The following FUT8 variants were observed in gnomAD, a reference collection of about 807,000 sequenced individuals.
FUT8 encodes fucosyltransferase 8.
FUT8 carries 29 observed loss-of-function variants against 71.3 expected under a neutral mutation model. The ratio of observed to expected loss-of-function variants is 0.41; its 90% CI spans 0.30 to 0.55. The LOEUF is 0.55. Among genes scored for constraint, FUT8 ranks in the 20% least tolerant of loss-of-function variants. FUT8 has a pLI of 0.34. For missense variants in FUT8, 544 were observed against 702.1 expected (o/e 0.77, Z 2.55); for synonymous variants, 254 against 239.3 (o/e 1.06, Z -0.57).
At chr14:65,376,777 A>G in the FUT8 span, among the ~76,000 whole-genome samples, 1 of 152,218 alleles carries the variant, frequency 6.6e-6, no homozygotes, top group Admixed American at 6.5e-5. Flanking sequence ...AAGAAAACTA[A>G]GAGATCTCTT....
chr14:65,590,261 G>A (rs1021197289), intron 3 of FUT8, among the ~76,000 whole-genome samples: 51 of 152,156 alleles, frequency 3.4e-4, no homozygotes, highest in Admixed American at 2.0e-4. Flanking sequence ...AACAGGAAAA[G>A]CATTGATTGG....
intron 3 of FUT8, among the ~76,000 whole-genome samples, chr14:65,602,282 C>T (rs1474249659): frequency 7.2e-6 from 1 of 139,236 alleles, no homozygotes; most frequent in Non-Finnish European, 1.5e-5. Context: ...CCAGTTCCAT[C>T]TAGGATGCTG....
At chr14:65,717,665 C>G (rs1010050085) in intron 7 of FUT8, among the ~76,000 whole-genome samples, 2 of 150,614 alleles carry the variant, frequency 1.3e-5, no homozygotes, top group Admixed American at 1.3e-4. Flanking sequence ...CTCCCCATTT[C>G]CCAGACGGGG....
At chr14:65,647,464 G>A (rs1376293445) in intron 6 of FUT8, among the ~76,000 whole-genome samples, 2 of 152,114 alleles carry the variant, frequency 1.3e-5, no homozygotes, top group African/African-American at 4.8e-5. Context: ...TAGTATGAGA[G>A]GTGATTTTTC....
chr14:65,674,305 G>A (rs1892610491), intron 7 of FUT8, among the ~76,000 whole-genome samples: 1 of 152,134 alleles, frequency 6.6e-6, no homozygotes, highest in Admixed American at 6.5e-5. Context: ...TAGACTGTGA[G>A]TCTGATCCAG....
intron 1 of FUT8, among the ~76,000 whole-genome samples, chr14:65,422,702 C>G (rs113206066): frequency 9.9e-5 from 15 of 152,032 alleles, no homozygotes; most frequent in African/African-American, 3.6e-4. Context: ...GAGACAGGGT[C>G]TCACTGTGTT....
chr14:65,505,307 T>G (rs552585518), intron 2 of FUT8, among the ~76,000 whole-genome samples: 118 of 108,534 alleles, frequency 1.1e-3, no homozygotes, highest in African/African-American at 4.4e-3. Context: ...TACATTTCAG[T>G]TTTTTTTTTT....
At chr14:65,739,734 A>G (rs769693033) in intron 10 of FUT8, among the ~76,000 whole-genome samples, 1 of 152,020 alleles carries the variant, frequency 6.6e-6, no homozygotes. Context: ...CAATATGAAC[A>G]TGGAGAATAA....
chr14:65,504,403 A>G (rs1425185384), intron 2 of FUT8, among the ~76,000 whole-genome samples: 1 of 152,186 alleles, frequency 6.6e-6, no homozygotes, highest in Admixed American at 6.5e-5. Context: ...GTAGACTTCT[A>G]GATAATTGAT....
Position 65,721,804 on chromosome 14 carries a change from G to A in FUT8, c.865G>A (p.Val289Ile). 6.2e-7 allele frequency: 1 copy of A among 1,614,096 alleles called. No homozygotes were observed. Residue 289 changes from valine to isoleucine, a missense_variant, in exon 8 of 11, where the codon GTC (valine) becomes ATC (isoleucine). Val to Ile is a conservative substitution (Grantham distance 29, BLOSUM62 3). Transcript: ENST00000673929. ...GEVKDKNVQV[V>I]ELPIVDSLHP... is the part of the protein sequence containing the mutation. ...AGTGAAGGACAAAAATGTTCAAGTG[G>A]TCGAGCTTCCCATTGTAGACAGTCT...
At chr14:65,420,917 G>A (rs1001635574) in intron 1 of FUT8, among the ~76,000 whole-genome samples, 2 of 152,040 alleles carry the variant, frequency 1.3e-5, no homozygotes, top group African/African-American at 2.4e-5. Flanking sequence ...ATCATAGGCC[G>A]GGCGCCGTGG....
intron 3 of FUT8, among the ~76,000 whole-genome samples, chr14:65,570,964 G>A (rs1344884179): frequency 6.6e-6 from 1 of 152,012 alleles, no homozygotes; most frequent in African/African-American, 2.4e-5. Flanking sequence ...GGCAAATGCT[G>A]AGCTGTAACC....
intron 2 of FUT8, among the ~76,000 whole-genome samples, chr14:65,464,352 C>G (rs1272242258): frequency 7.0e-6 from 1 of 142,834 alleles, no homozygotes; most frequent in Non-Finnish European, 1.5e-5. Context: ...CTTTTATGTC[C>G]TTTTCTTGTT....
At chr14:65,624,585 ATGAT>A (rs1348848269) in intron 5 of FUT8, among the ~76,000 whole-genome samples, 1 of 152,312 alleles carries the variant, frequency 6.6e-6, no homozygotes, top group East Asian at 1.9e-4. Context: ...AGGCTATATG[ATGAT>A]TGTCAATGAA....
At chr14:65,424,479 A>G (rs893772183) in intron 1 of FUT8, among the ~76,000 whole-genome samples, 29 of 151,294 alleles carry the variant, frequency 1.9e-4, no homozygotes, top group Admixed American at 1.3e-4. Flanking sequence ...ATAGACTAGT[A>G]TCTACATATA....
chr14:65,479,023 G>A (rs1201885206), intron 2 of FUT8, among the ~76,000 whole-genome samples: 2 of 152,136 alleles, frequency 1.3e-5, no homozygotes, highest in East Asian at 3.8e-4. Flanking sequence ...ATCCCCTTTA[G>A]CTTTTAATGT....
At chr14:65,741,092 T>C (rs564838266) in intron 10 of FUT8, among the ~76,000 whole-genome samples, 1 of 152,084 alleles carries the variant, frequency 6.6e-6, no homozygotes, top group East Asian at 1.9e-4. Flanking sequence ...TCACAATGTA[T>C]AAATTGCTTA....
chr14:65,483,097 G>T lies in FUT8; in HGVS notation c.-228+27379G>T, dbSNP rs2066356561. On this transcript the variant is annotated intron_variant, in intron 2 of 10. Coordinates refer to ENST00000673929, the MANE Select transcript of FUT8 (RefSeq NM_001371533.1). The surrounding 1 kb of genome is among the most constrained non-coding windows in gnomAD (Gnocchi z 4.4). Reference sequence around the variant, plus strand: ...AGTATCTTTGGTGGGACACTTCTGTGTGAAGAGATTTTACTAGCACCCTAA... The same window carrying T: ...AGTATCTTTGGTGGGACACTTCTGTTTGAAGAGATTTTACTAGCACCCTAA... Among the ~76,000 whole-genome samples the T allele has an allele frequency of 6.6e-6, 1 of 152,204 alleles. No individual in the cohort carries two copies. Among genetic ancestry groups the T allele is most frequent in the Non-Finnish European group, 1.5e-5 (1 of 68,026 alleles).
intron 2 of FUT8, among the ~76,000 whole-genome samples, chr14:65,499,887 A>C (rs1277048490): frequency 6.6e-6 from 1 of 152,152 alleles, no homozygotes; most frequent in Non-Finnish European, 1.5e-5. Flanking sequence ...TTCACTCTCT[A>C]AAATAGTCTT....
Sources: allele counts gnomAD v4.1 joint callset (sites outside exome capture counted in the v4.1 genomes callset), GRCh38; gene constraint gnomAD v4.1.1; non-coding constraint Gnocchi (gnomAD v3.1); transcripts MANE v1.5; gene names NCBI Gene and HGNC (gene_info 2026-07-23, HGNC 2026-07-21).